GABRG3: variants seen among roughly 807,000 people sequenced by gnomAD.
GABRG3 encodes the protein gamma-aminobutyric acid receptor subunit gamma-3.
A neutral mutation model predicts 48.8 loss-of-function variants in GABRG3; 25 were observed. That is an observed-to-expected ratio of 0.51 (90% confidence interval 0.37 to 0.72). The LOEUF (loss-of-function observed/expected upper bound fraction) is 0.72, where lower values mean the gene tolerates loss of function less well. GABRG3 is among the 30% of genes least tolerant of loss of function. The probability of loss-of-function intolerance (pLI) is 0.00; values close to 1 mark genes in which losing one functional copy is unlikely to be tolerated. For missense variants in GABRG3, 394 were observed against 577.9 expected (o/e 0.68, Z 3.26); for synonymous variants, 227 against 217.6 (o/e 1.04, Z -0.38).
chr15:27,145,618 T>TATCTATCTATCTATCTATC (rs1555406011), intron 3 of GABRG3, among the ~76,000 whole-genome samples: 12 of 145,836 alleles, frequency 8.2e-5, no homozygotes, highest in Non-Finnish European at 1.6e-4. Context: ...TCTATCTATC[T>TATCTATCTATCTATCTATC]ATCTATCTAT....
intron 3 of GABRG3, among the ~76,000 whole-genome samples, chr15:27,178,294 C>G (rs1183258352): frequency 6.6e-6 from 1 of 152,214 alleles, no homozygotes; most frequent in African/African-American, 2.4e-5. Flanking sequence ...TTGCAGTTCA[C>G]TAGTTGTGGG....
At chr15:27,209,352 TTCC>T (rs1888992314) in intron 3 of GABRG3, among the ~76,000 whole-genome samples, 1 of 98,204 alleles carries the variant, frequency 1.0e-5, no homozygotes, top group Non-Finnish European at 2.2e-5. Context: ...CTTTCTTTCC[TTCC>T]TTCCTTCCTT....
chr15:27,308,888 C>T lies in GABRG3; in HGVS notation c.271-17921C>T, dbSNP rs185989724. Among the ~76,000 whole-genome samples the T allele has an allele frequency of 1.3e-3, 194 of 150,054 alleles. 1 individual carries two copies. Among genetic ancestry groups the T allele is most frequent in the African/African-American group, 4.2e-3 (173 of 41,350 alleles). On this transcript the variant is annotated intron_variant, in intron 3 of 9. Coordinates refer to ENST00000615808, the MANE Select transcript of GABRG3 (RefSeq NM_033223.5). ...TGTTTTTATAAAAACAGAATTTAAA[C>T]ATGTTTATATGAAAACAGAATGTAA...
chr15:27,164,627 A>G (rs560786705), intron 3 of GABRG3, among the ~76,000 whole-genome samples: 23 of 152,102 alleles, frequency 1.5e-4, no homozygotes, highest in African/African-American at 5.5e-4. Context: ...TGTATTTGTC[A>G]TGACATTTAC....
intron 5 of GABRG3, among the ~76,000 whole-genome samples, chr15:27,424,880 T>C (rs922672803): frequency 3.3e-5 from 5 of 152,062 alleles, no homozygotes; most frequent in African/African-American, 1.2e-4. Flanking sequence ...TAATATCACA[T>C]TGGTGATTAC....
intron 3 of GABRG3, among the ~76,000 whole-genome samples, chr15:27,075,918 A>G (rs1054323949): frequency 1.3e-5 from 2 of 152,144 alleles, no homozygotes; most frequent in African/African-American, 2.4e-5. Flanking sequence ...TGTCTGTTCT[A>G]CCATGTGCTG....
intron 3 of GABRG3, among the ~76,000 whole-genome samples, chr15:27,308,862 A>G (rs1246580454): frequency 3.3e-5 from 5 of 150,328 alleles, no homozygotes; most frequent in Admixed American, 3.3e-4. Flanking sequence ...GTAAACATAT[A>G]TGTTTTTATA....
intron 3 of GABRG3, among the ~76,000 whole-genome samples, chr15:27,169,389 T>C (rs1887487782): frequency 1.3e-5 from 2 of 151,762 alleles, no homozygotes; most frequent in Non-Finnish European, 2.9e-5. Flanking sequence ...GCACCGCCCA[T>C]TGGAGGAACT....
intron 9 of GABRG3, chr15:27,530,637 T>A (rs926741989): frequency 2.1e-5 from 10 of 471,034 alleles, no homozygotes; most frequent in Non-Finnish European, 4.4e-5. Context: ...GCCCTGCCTG[T>A]GGCCTCCAAG....
At chr15:27,385,525 G>A (rs921481460) in intron 5 of GABRG3, among the ~76,000 whole-genome samples, 1 of 151,934 alleles carries the variant, frequency 6.6e-6, no homozygotes, top group African/African-American at 2.4e-5. Context: ...ACTAACTGAC[G>A]TCCCACAGGT....
At chr15:27,508,832 G>A (rs1890825246) in intron 6 of GABRG3, among the ~76,000 whole-genome samples, 1 of 152,058 alleles carries the variant, frequency 6.6e-6, no homozygotes, top group South Asian at 2.1e-4. Flanking sequence ...TCTCACCCCA[G>A]CCTCCCGAGT....
At chr15:27,473,258 G>A (rs1432056399) in intron 5 of GABRG3, among the ~76,000 whole-genome samples, 1 of 152,120 alleles carries the variant, frequency 6.6e-6, no homozygotes, top group Non-Finnish European at 1.5e-5. Context: ...TCTCATACTT[G>A]CCCTCTTTTT....
intron 3 of GABRG3, among the ~76,000 whole-genome samples, chr15:27,272,128 G>A (rs1008465329): frequency 1.3e-5 from 2 of 152,248 alleles, no homozygotes; most frequent in Admixed American, 6.5e-5. Context: ...CATCCAGACT[G>A]TCCTCAGAGG....
intron 6 of GABRG3, among the ~76,000 whole-genome samples, chr15:27,486,615 G>C (rs577051568): frequency 6.6e-6 from 1 of 152,144 alleles, no homozygotes; most frequent in Non-Finnish European, 1.5e-5. Context: ...CACTGTACTT[G>C]AACATATCTG....
At chr15:27,210,215 G>A (rs187054586) in intron 3 of GABRG3, among the ~76,000 whole-genome samples, 2 of 152,240 alleles carry the variant, frequency 1.3e-5, no homozygotes, top group Admixed American at 6.5e-5. Context: ...AGAGAAAAGG[G>A]CCCCCATTCC....
intron 3 of GABRG3, among the ~76,000 whole-genome samples, chr15:27,320,592 C>T (rs930984130): frequency 5.3e-5 from 8 of 152,100 alleles, no homozygotes; most frequent in East Asian, 1.9e-4. Flanking sequence ...TCTGCTTCCC[C>T]GTGCTGGAGG....
chr15:27,128,680 C>T (rs1435201770), intron 3 of GABRG3, among the ~76,000 whole-genome samples: 1 of 152,216 alleles, frequency 6.6e-6, no homozygotes, highest in Non-Finnish European at 1.5e-5. Context: ...AACTTCTCCA[C>T]AACCATGGGA....
At chr15:27,093,800 G>T (rs192218222) in intron 3 of GABRG3, among the ~76,000 whole-genome samples, 4 of 152,152 alleles carry the variant, frequency 2.6e-5, no homozygotes, top group African/African-American at 9.6e-5. Context: ...TGACACTATT[G>T]CACCTTTTTA....
intron 6 of GABRG3, among the ~76,000 whole-genome samples, chr15:27,499,269 C>A (rs1043071773): frequency 5.3e-5 from 8 of 152,134 alleles, no homozygotes; most frequent in African/African-American, 1.9e-4. Flanking sequence ...AAGCACTTAT[C>A]GATCTCAGAC....
Sources: allele counts gnomAD v4.1 joint callset (sites outside exome capture counted in the v4.1 genomes callset), GRCh38; gene constraint gnomAD v4.1.1; transcripts MANE v1.5; gene names NCBI Gene and HGNC (gene_info 2026-07-23, HGNC 2026-07-21).